A2M: variants seen among roughly 807,000 people sequenced by gnomAD.
A2M encodes alpha-2-macroglobulin, also known as C3 and PZP-like alpha-2-macroglobulin domain-containing protein 5.
A2M carries 128 observed loss-of-function variants against 183.9 expected under a neutral mutation model. That is an observed-to-expected ratio of 0.70 (90% confidence interval 0.60 to 0.81). The LOEUF is 0.81. A2M is among the 30% of genes least tolerant of loss of function. The probability of loss-of-function intolerance (pLI) is 0.00; values close to 1 mark genes in which losing one functional copy is unlikely to be tolerated. For missense variants in A2M, 1,495 were observed against 1,787.6 expected, an observed-to-expected ratio of 0.84 and a Z score of 2.95; for synonymous variants, 592 against 670.8, an observed-to-expected ratio of 0.88 and a Z score of 1.81.
chr12:9,070,608 G>GTT (rs750715551), intron 31 of A2M, 30 bp from the exon 32 acceptor site: 1 of 1,478,056 alleles, frequency 6.8e-7, no homozygotes, highest in African/African-American at 1.4e-5. Flanking sequence ...AAGGATTAGG[G>GTT]TTTTCTGTGT....
At chr12:9,071,330 A>T (rs1948570821) in intron 31 of A2M, among the ~76,000 whole-genome samples, 1 of 152,220 alleles carries the variant, frequency 6.6e-6, no homozygotes, top group Non-Finnish European at 1.5e-5. Context: ...TCAACAAAAC[A>T]CTTAGAAACA....
In A2M at chr12:9,111,870, C is replaced by G. The variant is rs774553543; in HGVS notation, c.483+289G>C. The G allele has an allele frequency of 3.1e-4, 136 of 444,756 alleles. No homozygotes were observed. In the Admixed American group the frequency reaches 4.2e-3, roughly 14 times the overall value. 27.6% of individuals were successfully genotyped at this position (444,756 alleles called of 1,614,324 possible). ...GAGCTTAGGTTCTTTGAGGATTTTT[C>G]TGTGTCTGCTATTGAATGTATCTTT... On this transcript the variant is annotated intron_variant, in intron 4 of 35. Coordinates refer to ENST00000318602, the MANE Select transcript of A2M (RefSeq NM_000014.6).
chr12:9,101,713 C>T (rs749394366), intron 11 of A2M, 39 bp from the exon 12 acceptor site: 36 of 1,454,000 alleles, frequency 2.5e-5, no homozygotes, highest in Admixed American at 1.5e-4. Context: ...TTAGATTATA[C>T]GTCATAAAGA....
At chr12:9,101,755 TGTCC>T in intron 11 of A2M, 81 bp from the exon 12 acceptor site, 1 of 1,116,506 alleles carries the variant, frequency 9.0e-7, no homozygotes, top group African/African-American at 1.6e-5. Flanking sequence ...GTAAGTTTAC[TGTCC>T]TACCTTAACT....
intron 1 of A2M, 56 bp downstream of exon 1, chr12:9,115,708 C>T: frequency 7.6e-7 from 1 of 1,322,838 alleles, no homozygotes; most frequent in South Asian, 1.2e-5. Context: ...AAAGAAAAAT[C>T]TGCAATAAAT....
rs763147649 is a variant in A2M at position 9,093,552 on chromosome 12, G to T, written c.2153C>A (p.Ala718Glu). The change falls in exon 18 of 36, where the codon GCA (alanine) becomes GAA (glutamate). Residue 718 changes from alanine to glutamate, a missense_variant. Coordinates refer to ENST00000318602, the MANE Select transcript of A2M (RefSeq NM_000014.6). ...YESDVMGRGH[A>E]RLVHVEEPHT... ...AGGCTCTTCAACATGCACCAGGCGT[G>T]CATGGCCTCTTCCCATTACATCTGA... 1 of 1,609,092 alleles carries T rather than the reference G, an allele frequency of 6.2e-7. No individual in the cohort carries two copies.
At chr12:9,088,667 T>G (rs1411113949) in intron 22 of A2M, among the ~76,000 whole-genome samples, 1 of 152,136 alleles carries the variant, frequency 6.6e-6, no homozygotes, top group Non-Finnish European at 1.5e-5. Context: ...TGTATTAAAT[T>G]TTTCCTGTAA....
At chr12:9,112,028 C>T (rs1299725773) in intron 4 of A2M, 131 bp downstream of exon 4, 1 of 864,952 alleles carries the variant, frequency 1.2e-6, no homozygotes, top group Non-Finnish European at 2.0e-6. Context: ...GGATCTTGTG[C>T]TGTTGTAATG....
Position 9,109,359 on chromosome 12 carries a change from G to C in A2M, c.720C>G (p.Thr240=). ...ATACATTCATCTCTTCTTCCAAGAT[G>C]GTGATTATCTTTGGCACTGTTACTT... The part of the protein sequence containing the change: ...EVQVTVPKII[T]ILEEEMNVSV... Residue 240 remains threonine, a synonymous_variant, in exon 7 of 36, where the codon ACC becomes ACG. Coordinates refer to ENST00000318602, the MANE Select transcript of A2M (RefSeq NM_000014.6). 6.2e-7 allele frequency: 1 copy of C among 1,613,408 alleles called. No individual in the cohort carries two copies. Among genetic ancestry groups the C allele is most frequent in the Non-Finnish European group, 8.5e-7 (1 of 1,179,536 alleles).
At chr12:9,107,049 A>G (rs1938347259) in intron 8 of A2M, among the ~76,000 whole-genome samples, 1 of 152,178 alleles carries the variant, frequency 6.6e-6, no homozygotes, top group Admixed American at 6.5e-5. Flanking sequence ...TTTGAAATAC[A>G]CAGTACATCT....
intron 2 of A2M, 72 bp downstream of exon 2, chr12:9,113,288 C>T (rs1001695188): frequency 2.0e-6 from 3 of 1,518,296 alleles, no homozygotes; most frequent in South Asian, 2.5e-5. Context: ...AAAGCCTCAT[C>T]TGACAGAATA....
chr12:9,105,302 G>C, intron 10 of A2M, among the ~76,000 whole-genome samples: 1 of 152,286 alleles, frequency 6.6e-6, no homozygotes, highest in South Asian at 2.1e-4. Context: ...TCTAGCTAGA[G>C]AGTCTTATGA....
At chr12:9,097,147 G>A (rs1314459250) in intron 15 of A2M, among the ~76,000 whole-genome samples, 1 of 152,096 alleles carries the variant, frequency 6.6e-6, no homozygotes, top group Non-Finnish European at 1.5e-5. Flanking sequence ...TATTATAAAA[G>A]TATAAAACAT....
At chr12:9,114,289 T>C (rs1219028123) in intron 1 of A2M, among the ~76,000 whole-genome samples, 1 of 152,234 alleles carries the variant, frequency 6.6e-6, no homozygotes, top group Non-Finnish European at 1.5e-5. Context: ...ATCAACCCTG[T>C]AGTTTTTATA....
chr12:9,075,070 C>G (rs1288097633), intron 28 of A2M, among the ~76,000 whole-genome samples: 2 of 152,156 alleles, frequency 1.3e-5, no homozygotes, highest in African/African-American at 4.8e-5. Flanking sequence ...CTCATTGAGT[C>G]TGGCTATTTC....
chr12:9,112,615 G>T, intron 2 of A2M, 79 bp from the exon 3 acceptor site: 1 of 1,512,190 alleles, frequency 6.6e-7, no homozygotes, highest in Non-Finnish European at 9.1e-7. Flanking sequence ...ACTCTTCCCT[G>T]GAGATCTTGC....
At chr12:9,084,100 T>C (rs1243665020) in intron 22 of A2M, among the ~76,000 whole-genome samples, 1 of 152,166 alleles carries the variant, frequency 6.6e-6, no homozygotes, top group Non-Finnish European at 1.5e-5. Context: ...CAAAGCTGTC[T>C]TTCAGAAATG....
chr12:9,085,005 C>G (rs766133414), intron 22 of A2M, among the ~76,000 whole-genome samples: 6 of 151,988 alleles, frequency 3.9e-5, no homozygotes. Context: ...TATACATATC[C>G]AACATTGGAG....
In A2M at chr12:9,076,873, C is replaced by T. The variant is rs1188138543; in HGVS notation, c.3415G>A (p.Asp1139Asn). Residue 1139 changes from aspartate (D) to asparagine (N), a missense_variant, in exon 28 of 36, where the codon GAC becomes AAC. Transcript: ENST00000318602. ...ESAWKTAQEG[D>N]HGSHVYTKAL... ...TTGGTATATACATGGCTGCCATGGT[C>T]CCCTTCTTGTGCTGTCTTCCAGGCT... 2 of 1,613,148 alleles carry T rather than the reference C, an allele frequency of 1.2e-6. No homozygotes were observed. Among genetic ancestry groups the T allele is most frequent in the East Asian group, 2.2e-5 (1 of 44,882 alleles).
Sources: allele counts gnomAD v4.1 joint callset (sites outside exome capture counted in the v4.1 genomes callset), GRCh38; gene constraint gnomAD v4.1.1; transcripts MANE v1.5; gene names NCBI Gene and HGNC (gene_info 2026-07-23, HGNC 2026-07-21).